The following COG7 variants were observed in gnomAD, a reference collection of about 807,000 sequenced individuals.
COG7 encodes the protein component of oligomeric golgi complex 7.
A neutral mutation model predicts 91.5 loss-of-function variants in COG7; 49 were observed. The observed-to-expected ratio is 0.54, with a 90% confidence interval of 0.43 to 0.68. The LOEUF (loss-of-function observed/expected upper bound fraction) is 0.68, where lower values mean the gene tolerates loss of function less well. COG7 is among the 30% of genes least tolerant of loss of function. COG7 has a pLI of 0.00. For missense variants in COG7, 895 were observed against 961.3 expected, an observed-to-expected ratio of 0.93 and a Z score of 0.91; for synonymous variants, 365 against 388.7, an observed-to-expected ratio of 0.94 and a Z score of 0.72.
At chr16:23,440,902 A>G (rs1330083039) in intron 4 of COG7, among the ~76,000 whole-genome samples, 1 of 152,114 alleles carries the variant, frequency 6.6e-6, no homozygotes, top group African/African-American at 2.4e-5. Flanking sequence ...TCAAATGAAA[A>G]ACAAGCTTTA....
At chr16:23,411,059 C>A (rs1471330265) in intron 10 of COG7, among the ~76,000 whole-genome samples, 1 of 152,160 alleles carries the variant, frequency 6.6e-6, no homozygotes, top group African/African-American at 2.4e-5. Flanking sequence ...TTGCTAGATG[C>A]CTGCTAGTTT....
chr16:23,424,071 C>T (rs1331158089), intron 7 of COG7, among the ~76,000 whole-genome samples: 3 of 152,096 alleles, frequency 2.0e-5, no homozygotes, highest in African/African-American at 7.2e-5. Context: ...GAGGCCGAGG[C>T]GGGCAGATCA....
chr16:23,405,950 G>GGTA, intron 12 of COG7, 126 bp downstream of exon 12: 1 of 822,664 alleles, frequency 1.2e-6, no homozygotes, highest in South Asian at 1.4e-5. Flanking sequence ...GAGACAGAGA[G>GGTA]GTAGTAGCAG....
chr16:23,449,281 T>C (rs1964227441), intron 1 of COG7, among the ~76,000 whole-genome samples: 1 of 151,320 alleles, frequency 6.6e-6, no homozygotes, highest in Non-Finnish European at 1.5e-5. Context: ...GAGAATGGTG[T>C]AAACCCTGGA....
At chr16:23,449,380 T>TAAAATAAAATAAAA (rs1964229729) in intron 1 of COG7, among the ~76,000 whole-genome samples, 3 of 134,658 alleles carry the variant, frequency 2.2e-5, no homozygotes, top group African/African-American at 8.4e-5. Flanking sequence ...TAAAATTAAA[T>TAAAATAAAATAAAA]TAAAATAAAA....
At chr16:23,396,643 C>T (rs1183391040) in intron 14 of COG7, among the ~76,000 whole-genome samples, 1 of 151,946 alleles carries the variant, frequency 6.6e-6, no homozygotes, top group Non-Finnish European at 1.5e-5. Flanking sequence ...CGCGCCACTG[C>T]ACTCCAGCCT....
intron 9 of COG7, 29 bp downstream of exon 9, chr16:23,416,938 C>T (rs755565192): frequency 1.9e-6 from 3 of 1,614,002 alleles, no homozygotes; most frequent in Non-Finnish European, 2.5e-6. Context: ...CCAATGTGGC[C>T]CGTCTGGTCC....
chr16:23,427,566 T>A (rs531005435), intron 6 of COG7, among the ~76,000 whole-genome samples: 22 of 152,260 alleles, frequency 1.4e-4, no homozygotes, highest in Non-Finnish European at 3.1e-4. Flanking sequence ...ACCATTAGGA[T>A]GCGTCACTCT....
intron 11 of COG7, among the ~76,000 whole-genome samples, chr16:23,409,068 T>C (rs1454126638): frequency 7.7e-6 from 1 of 130,316 alleles, no homozygotes; most frequent in African/African-American, 3.2e-5. Context: ...TGCATGCGTG[T>C]GTGTGTGTGT....
chr16:23,411,429 T>C (rs1396511634), intron 10 of COG7, among the ~76,000 whole-genome samples: 1 of 152,184 alleles, frequency 6.6e-6, no homozygotes. Flanking sequence ...CAGAACAAAC[T>C]TGTGCATAAT....
chr16:23,452,900 T>C lies in COG7; in HGVS notation c.95A>G (p.Lys32Arg), dbSNP rs1163216343. The change falls in exon 1 of 17, where the codon AAG (lysine) becomes AGG (arginine). Residue 32 changes from lysine (K) to arginine (R), a missense_variant. By Grantham distance (26) the Lys-to-Arg change is conservative. Coordinates refer to ENST00000307149, the MANE Select transcript of COG7 (RefSeq NM_153603.4). ...CAGGGTGGCTGCGTGGCCATCCGCC[T>C]TCCCGGACGCCGCCTCCTTGGAGCC... is the stretch of plus-strand genomic sequence containing the variant. The part of the protein sequence containing the change: ...RAGSKEAASG[K>R]ADGHAATLVM... 1.2e-6 allele frequency: 2 copies of C among 1,613,926 alleles called. No homozygotes were observed. The highest frequency in any genetic ancestry group is 8.5e-7 in the Non-Finnish European group (1 of 1,180,006).
At chr16:23,419,876 C>T (rs1355716581) in intron 7 of COG7, among the ~76,000 whole-genome samples, 2 of 151,872 alleles carry the variant, frequency 1.3e-5, no homozygotes, top group Admixed American at 6.6e-5. Flanking sequence ...GTGGCTCACA[C>T]GTGTAATCCC....
Position 23,424,840 on chromosome 16 carries a change from C to T in COG7, c.918G>A (p.Gly306=). The T allele has an allele frequency of 6.2e-7, 1 of 1,614,244 alleles. No individual in the cohort carries two copies. Among genetic ancestry groups the T allele is most frequent in the Non-Finnish European group, 8.5e-7 (1 of 1,180,046 alleles). ...SCLSNGVERA[G]PEQELTRLLE... ...GCAGCCTGGTGAGCTCCTGCTCGGG[C>T]CCTGCCCTCTCCACGCCGTTGCTGA... The change falls in exon 7 of 17, where the codon GGG becomes GGA. Residue 306 remains glycine, a synonymous_variant. Transcript: ENST00000307149.
chr16:23,389,135 A>C (rs763267040), intron 16 of COG7, 49 bp from the exon 17 acceptor site: 1 of 1,599,826 alleles, frequency 6.3e-7, no homozygotes, highest in Non-Finnish European at 8.5e-7. Flanking sequence ...CTCAGCACCA[A>C]GCAGGTCAGA....
chr16:23,442,750 G>C lies in COG7; in HGVS notation c.436-105C>G, dbSNP rs1964121832. 12 of 1,034,786 alleles carry C rather than the reference G, an allele frequency of 1.2e-5. No homozygotes were observed. The South Asian group carries it at 1.5e-4, about 13-fold the overall frequency. 64.1% of individuals were successfully genotyped at this position (1,034,786 alleles called of 1,614,324 possible). A position where few individuals can be genotyped will look rare whatever the true frequency, so the allele number is the denominator to read the frequency against. ...AGGCAACTCATCAAGTATGAAAATG[G>C]GGCTGGGCATCGTGGTGGTTCATGC... On this transcript the variant is annotated intron_variant, in intron 3 of 16. Transcript: ENST00000307149.
rs1258483715 is a variant in COG7 at position 23,392,541 on chromosome 16, T to C, written c.2003-18A>G. On this transcript the variant is annotated intron_variant, in intron 15 of 16. Transcript: ENST00000307149. ...TTCATCCCCTGAAAAGAAAAGGAGG[T>C]CACCAAGGAAAACACAGGCCTGCAG... is the stretch of plus-strand genomic sequence containing the variant. 1 of 1,613,758 alleles carries C rather than the reference T, an allele frequency of 6.2e-7. No homozygotes were observed. Among genetic ancestry groups the C allele is most frequent in the Non-Finnish European group, 8.5e-7 (1 of 1,179,948 alleles).
At position 23,389,111 on chromosome 16, in the gene COG7, CAG is replaced by C. The variant is rs1268360947; in HGVS notation, c.2147-27_2147-26del. 3.7e-6 allele frequency: 6 copies of C among 1,611,080 alleles called. 1 individual carries two copies. In the East Asian group the frequency reaches 1.3e-4, roughly 36 times the overall value. ...TCTGTGGGGGCGGAGAGGAGACAGA[CAG>C]AGCTCCACAGACTCAGCACCAAGCA... On this transcript the variant is annotated intron_variant, in intron 16 of 16. Coordinates refer to ENST00000307149, the MANE Select transcript of COG7 (RefSeq NM_153603.4).
At chr16:23,433,082 T>A (rs1156749741) in intron 6 of COG7, among the ~76,000 whole-genome samples, 2 of 152,180 alleles carry the variant, frequency 1.3e-5, no homozygotes, top group African/African-American at 4.8e-5. Context: ...CTTAAACCAT[T>A]TAACTGGTTA....
At chr16:23,428,072 G>T (rs757609729) in intron 6 of COG7, among the ~76,000 whole-genome samples, 1 of 152,104 alleles carries the variant, frequency 6.6e-6, no homozygotes, top group Non-Finnish European at 1.5e-5. Context: ...AGCTACTCCA[G>T]AGGCTGCAGC....
Sources: allele counts gnomAD v4.1 joint callset (sites outside exome capture counted in the v4.1 genomes callset), GRCh38; gene constraint gnomAD v4.1.1; transcripts MANE v1.5; gene names NCBI Gene and HGNC (gene_info 2026-07-23, HGNC 2026-07-21).